ZSWIM2: variants seen among roughly 807,000 people sequenced by gnomAD.
The protein encoded by ZSWIM2 is zinc finger SWIM-type containing 2.
Under a neutral mutation model 48.4 loss-of-function variants are expected in ZSWIM2, and 38 were observed. That is an observed-to-expected ratio of 0.79 (90% CI 0.61 to 1.03). The LOEUF (loss-of-function observed/expected upper bound fraction) is 1.03, where lower values mean the gene tolerates loss of function less well. Ranked by LOEUF, ZSWIM2 falls within the 50% of genes least tolerant of loss-of-function variation. The pLI is 0.00. For missense variants in ZSWIM2, 776 were observed against 730.2 expected, an observed-to-expected ratio of 1.06 and a Z score of -0.72; for synonymous variants, 240 against 251.3, an observed-to-expected ratio of 0.96 and a Z score of 0.42.
intron 7 of ZSWIM2, 91 bp from the exon 8 acceptor site, chr2:186,829,971 T>A (rs1691669659): frequency 7.5e-7 from 1 of 1,324,516 alleles, no homozygotes. Context: ...TCTATATAAA[T>A]AATGCAATCG....
At chr2:186,844,044 T>A (rs1691953590) in intron 3 of ZSWIM2, among the ~76,000 whole-genome samples, 1 of 151,654 alleles carries the variant, frequency 6.6e-6, no homozygotes, top group East Asian at 1.9e-4. Flanking sequence ...TTAATACTTT[T>A]AAAAATGCAG....
chr2:186,828,151 G>C lies in ZSWIM2; in HGVS notation c.1735C>G (p.Leu579Val). ...RSTLLPEDFN[L>V]IVNWSTAKLS... ...TTAGCTGTGCTCCAATTGACAATAA[G>C]ATTGAAATCCTCTGGAAGTAAAGTT... The change falls in exon 9 of 9, where the codon CTT becomes GTT. Residue 579 changes from leucine to valine, a missense_variant. Coordinates refer to ENST00000295131, the MANE Select transcript of ZSWIM2 (RefSeq NM_182521.3). 1 of 1,613,552 alleles carries C rather than the reference G, an allele frequency of 6.2e-7. No individual in the cohort carries two copies. The highest frequency in any genetic ancestry group is 8.5e-7 in the Non-Finnish European group (1 of 1,179,716).
Position 186,828,401 on chromosome 2 carries a change from C to G in ZSWIM2, c.1485G>C (p.Arg495Ser). 6.2e-7 allele frequency: 1 copy of G among 1,613,512 alleles called. No homozygotes were observed. Among genetic ancestry groups the G allele is most frequent in the Middle Eastern group, 1.7e-4 (1 of 6,048 alleles). Reference sequence around the variant, plus strand: ...ACACAGTGGGTAAATCTTGAAGATACCTGGGAAAATGTTGGCTAATTTTAT... The same window carrying G: ...ACACAGTGGGTAAATCTTGAAGATAGCTGGGAAAATGTTGGCTAATTTTAT... ...YDYKISQHFP[R>S]YLQDLPTVSF... The change falls in exon 9 of 9, where the codon AGG (arginine) becomes AGC (serine). Residue 495 changes from arginine (R) to serine (S), a missense_variant. Physicochemically the swap from Arg to Ser is moderately radical, Grantham distance 110. Transcript: ENST00000295131.
Position 186,828,347 on chromosome 2 carries a change from C to G in ZSWIM2, c.1539G>C (p.Leu513=). 2 of 1,613,704 alleles carry G rather than the reference C, an allele frequency of 1.2e-6. No individual in the cohort carries two copies. Among genetic ancestry groups the G allele is most frequent in the Non-Finnish European group, 1.7e-6 (2 of 1,179,806 alleles). The change falls in exon 9 of 9, where the codon CTG becomes CTC. Residue 513 remains leucine (L), a synonymous_variant. Transcript: ENST00000295131. ...TATTCTTATGAACAATAGGAGGAAG[C>G]AGTGTTTGAGATGGTATTTTCCCAA... is the stretch of plus-strand genomic sequence containing the variant. The part of the protein sequence containing the change: ...VSFGKIPSQT[L]LPPIVHKNIV...
At chr2:186,832,772 A>G (rs907931304) in intron 7 of ZSWIM2, among the ~76,000 whole-genome samples, 6 of 152,136 alleles carry the variant, frequency 3.9e-5, no homozygotes, top group Non-Finnish European at 7.3e-5. Context: ...AATAGATAAC[A>G]TTATTTGAAT....
chr2:186,831,349 G>A (rs1406871211), intron 7 of ZSWIM2, among the ~76,000 whole-genome samples: 1 of 151,644 alleles, frequency 6.6e-6, no homozygotes, highest in East Asian at 1.9e-4. Flanking sequence ...ACATGTGTAT[G>A]TATACGTGTG....
In ZSWIM2 at chr2:186,837,129, G is replaced by C. The variant is rs80177223; in HGVS notation, c.743+177C>G. On this transcript the variant is annotated intron_variant, in intron 5 of 8. Transcript: ENST00000295131. ...AGAAAATAAAACGATTGGAGTTCCT[G>C]AGATACTGGACTGAGATAGAAGTCA... Among the ~76,000 whole-genome samples the C allele has an allele frequency of 9.6e-3, 1,456 of 152,104 alleles. 22 individuals carry two copies. The highest frequency in any genetic ancestry group is 0.034 in the African/African-American group (1,402 of 41,518).
chr2:186,838,690 A>G (rs889563287), intron 4 of ZSWIM2, among the ~76,000 whole-genome samples: 11 of 128,070 alleles, frequency 8.6e-5, no homozygotes, highest in Non-Finnish European at 1.8e-4. Flanking sequence ...TTCCTAACAT[A>G]TATGTTATAT....
intron 3 of ZSWIM2, among the ~76,000 whole-genome samples, chr2:186,843,339 G>A (rs1691942450): frequency 6.6e-6 from 1 of 151,614 alleles, no homozygotes; most frequent in African/African-American, 2.4e-5. Context: ...GACTGAGAGA[G>A]AGGCTTAAGA....
rs866700945 is a variant in ZSWIM2 at position 186,828,682 on chromosome 2, C to A, written c.1204G>T (p.Gly402Ter). 3 of 1,613,026 alleles carry A rather than the reference C, an allele frequency of 1.9e-6. No homozygotes were observed. The highest frequency in any genetic ancestry group is 8.5e-7 in the Non-Finnish European group (1 of 1,179,552). ...TTTGAAACAGACTGATGTGCTTGTC[C>A]ATTCACTGCTGAATTTTTCCAAGTT... ...PLTWKNSAVN[G>*]QAHQSVSNRD... Residue 402 changes from glycine to a stop codon, truncating the protein, a stop_gained, in exon 9 of 9, where the codon GGA (glycine) becomes TGA (stop). Coordinates refer to ENST00000295131, the MANE Select transcript of ZSWIM2 (RefSeq NM_182521.3). LOFTEE classifies it low-confidence loss of function (END_TRUNC).
chr2:186,829,815 T>G lies in ZSWIM2; in HGVS notation c.1007A>C (p.Lys336Thr). The change falls in exon 8 of 9, where the codon AAG (lysine) becomes ACG (threonine). Residue 336 changes from lysine (K) to threonine (T), a missense_variant. By Grantham distance (78) the Lys-to-Thr change is moderately conservative (BLOSUM62 -1). Transcript: ENST00000295131. ...ACACTGGTAGCCTGGAGCAAGCAGC[T>G]TACTATTCTTAGTAATCAGTTGGAG... ...LPLQLITKNS[K>T]LLAPGYQCLL... The G allele has an allele frequency of 6.2e-7, 1 of 1,613,746 alleles. No homozygotes were observed. Among genetic ancestry groups the G allele is most frequent in the Non-Finnish European group, 8.5e-7 (1 of 1,179,772 alleles).
At chr2:186,831,796 G>A (rs973847358) in intron 7 of ZSWIM2, among the ~76,000 whole-genome samples, 2 of 151,732 alleles carry the variant, frequency 1.3e-5, no homozygotes, top group Non-Finnish European at 2.9e-5. Flanking sequence ...AACACCGCAT[G>A]TTCTCACTCA....
chr2:186,828,270 G>A lies in ZSWIM2; in HGVS notation c.1616C>T (p.Thr539Ile). 1.2e-6 allele frequency: 2 copies of A among 1,613,680 alleles called. No homozygotes were observed. Among genetic ancestry groups the A allele is most frequent in the South Asian group, 1.1e-5 (1 of 91,076 alleles). The change falls in exon 9 of 9, where the codon ACT becomes ATT. Residue 539 changes from threonine to isoleucine, a missense_variant. Physicochemically the swap from Thr to Ile is moderately conservative, Grantham distance 89. Transcript: ENST00000295131. Reference sequence around the variant, plus strand: ...GCCTTTGGTCATCCGGCTTAGACTAGTGTGAAATTTTCCACTGATGCATGG... The same window carrying A: ...GCCTTTGGTCATCCGGCTTAGACTAATGTGAAATTTTCCACTGATGCATGG... ...ESPCISGKFH[T>I]SLSRMTKGCK...
At chr2:186,846,794 T>C (rs1559117018) in intron 2 of ZSWIM2, among the ~76,000 whole-genome samples, 4 of 76,438 alleles carry the variant, frequency 5.2e-5, no homozygotes, top group African/African-American at 8.3e-5. Flanking sequence ...AACATATATA[T>C]ATACACACAC....
rs530625154 is a variant in ZSWIM2, at chr2:186,848,976, A to G, written c.155T>C (p.Met52Thr). 1 of 1,614,014 alleles carries G rather than the reference A, an allele frequency of 6.2e-7. No individual in the cohort carries two copies. The highest frequency in any genetic ancestry group is 8.5e-7 in the Non-Finnish European group (1 of 1,179,958). ...AGGGGCGGTAGTTACTCGGAAATCC[A>G]TGTATTCCGGCTCCTCCTCCCTCAG... ...FLLREEEPEY[M>T]DFRVFLGNPH... The change falls in exon 1 of 9, where the codon ATG becomes ACG. Residue 52 changes from methionine (M) to threonine (T), a missense_variant. By Grantham distance (81) the Met-to-Thr change is moderately conservative. Transcript: ENST00000295131.
In ZSWIM2 at chr2:186,839,041, G is replaced by T. The variant is rs1691854950; in HGVS notation, c.412C>A (p.Gln138Lys). Reference sequence around the variant, plus strand: ...ATATCCTCTGAATCAATTTCCTTCTGTTTAATGTACCCATCTTCTTCAACA... The same window carrying T: ...ATATCCTCTGAATCAATTTCCTTCTTTTTAATGTACCCATCTTCTTCAACA... The part of the protein sequence containing the change: ...EHVEEDGYIK[Q>K]KEIDSEDICS... The change falls in exon 4 of 9, where the codon CAG becomes AAG. Residue 138 changes from glutamine to lysine, a missense_variant. Coordinates refer to ENST00000295131, the MANE Select transcript of ZSWIM2 (RefSeq NM_182521.3). The T allele has an allele frequency of 6.2e-7, 1 of 1,611,506 alleles. No individual in the cohort carries two copies. Among genetic ancestry groups the T allele is most frequent in the Non-Finnish European group, 8.5e-7 (1 of 1,178,318 alleles).
At chr2:186,830,369 G>C (rs1326445363) in intron 7 of ZSWIM2, among the ~76,000 whole-genome samples, 2 of 152,118 alleles carry the variant, frequency 1.3e-5, no homozygotes, top group East Asian at 3.9e-4. Flanking sequence ...ACAACACAGT[G>C]AGACTTCACC....
chr2:186,848,698 T>A, intron 1 of ZSWIM2: 1 of 379,130 alleles, frequency 2.6e-6, no homozygotes. Context: ...CTCTGACATT[T>A]TCAAGCCTAA....
chr2:186,844,673 TA>T, intron 3 of ZSWIM2, 43 bp downstream of exon 3: 1 of 1,510,840 alleles, frequency 6.6e-7, no homozygotes, highest in Non-Finnish European at 8.8e-7. Context: ...TTCAAAGTAG[TA>T]AAATAAAAAA....
Sources: allele counts gnomAD v4.1 joint callset (sites outside exome capture counted in the v4.1 genomes callset), GRCh38; gene constraint gnomAD v4.1.1; transcripts MANE v1.5; gene names NCBI Gene and HGNC (gene_info 2026-07-23, HGNC 2026-07-21).